MRPS6: variants seen among roughly 807,000 people sequenced by gnomAD.
MRPS6 encodes the protein mitochondrial ribosomal protein S6.
In MRPS6, 6 loss-of-function variants were observed where a neutral mutation model predicts 13.1. The ratio of observed to expected loss-of-function variants is 0.46; its 90% CI spans 0.25 to 0.91. MRPS6 has a LOEUF of 0.91. MRPS6 is among the 40% of genes least tolerant of loss of function. The pLI is 0.18. For missense variants in MRPS6, 164 were observed against 155.6 expected, an observed-to-expected ratio of 1.05 and a Z score of -0.29; for synonymous variants, 61 against 56.5, an observed-to-expected ratio of 1.08 and a Z score of -0.36.
At chr21:34,098,533 A>G in intron 1 of MRPS6, 4 of 1,000,216 alleles carry the variant, frequency 4.0e-6, no homozygotes, top group Non-Finnish European at 4.8e-6. Context: ...GACTTAGAGC[A>G]TAAGGATGTT....
At chr21:34,134,352 G>C (rs548134422) in intron 2 of MRPS6, among the ~76,000 whole-genome samples, 10 of 152,156 alleles carry the variant, frequency 6.6e-5, no homozygotes, top group Non-Finnish European at 1.5e-4. Flanking sequence ...TAGTGGATTC[G>C]TTTGTACCGT....
At chr21:34,130,163 T>G (rs1980453305) in intron 2 of MRPS6, among the ~76,000 whole-genome samples, 1 of 152,050 alleles carries the variant, frequency 6.6e-6, no homozygotes, top group Admixed American at 6.5e-5. Flanking sequence ...CAGTGGAAAT[T>G]TCCACTTGTC....
intron 2 of MRPS6, among the ~76,000 whole-genome samples, chr21:34,125,747 T>C (rs1168578753): frequency 6.6e-6 from 1 of 152,212 alleles, no homozygotes; most frequent in African/African-American, 2.4e-5. Flanking sequence ...CCTGTCAACC[T>C]TAGCACTGTT....
chr21:34,142,261 T>A (rs1980931749), intron 2 of MRPS6, 147 bp from the exon 3 acceptor site: 1 of 779,116 alleles, frequency 1.3e-6, no homozygotes, highest in Non-Finnish European at 1.8e-6. Context: ...GCTGGTAGTT[T>A]CTATTTTGAC....
At chr21:34,119,499 G>A (rs909493758) in intron 1 of MRPS6, among the ~76,000 whole-genome samples, 3 of 152,200 alleles carry the variant, frequency 2.0e-5, no homozygotes, top group Non-Finnish European at 4.4e-5. Flanking sequence ...CATTTTCACA[G>A]GTTTTGACAG....
chr21:34,110,233 G>A (rs1979641993), intron 1 of MRPS6, among the ~76,000 whole-genome samples: 1 of 152,146 alleles, frequency 6.6e-6, no homozygotes, highest in Non-Finnish European at 1.5e-5. Context: ...GGAGGCTGAG[G>A]CTGGTGGATC....
chr21:34,135,448 G>T, intron 2 of MRPS6: 1 of 479,336 alleles, frequency 2.1e-6, no homozygotes, highest in Non-Finnish European at 4.3e-6. Flanking sequence ...GTTGGACTTG[G>T]CCACACATGC....
At chr21:34,098,723 A>T (rs1979088667) in intron 1 of MRPS6, 1 of 1,000,144 alleles carries the variant, frequency 1.0e-6, no homozygotes, top group Non-Finnish European at 1.2e-6. Context: ...TAGGACTCTA[A>T]CTTGACATGG....
chr21:34,103,537 A>T (rs1209047250), intron 1 of MRPS6: 1 of 1,000,018 alleles, frequency 1.0e-6, no homozygotes, highest in East Asian at 1.1e-4. Context: ...ACAACAGTTT[A>T]TATTCCATGA....
rs778217292 is a variant in MRPS6 at position 34,096,798 on chromosome 21, C to G, written c.45+23053C>G. On this transcript the variant is annotated intron_variant, in intron 1 of 2. Transcript: ENST00000399312. This position sits in a 1 kb window ranked among gnomAD's most constrained non-coding sequence, Gnocchi z 5.9. ...TACTGTAATTGTGAGCCTTCTCACACCACCTCCCACAAAGGAACAGATTCG... is the reference window on the plus strand; with the variant it reads ...TACTGTAATTGTGAGCCTTCTCACAGCACCTCCCACAAAGGAACAGATTCG... The G allele has an allele frequency of 1.9e-6, 3 of 1,614,012 alleles. No individual in the cohort carries two copies. The South Asian group carries it at 3.3e-5, about 18-fold the overall frequency.
At chr21:34,088,577 T>TA (rs1978516711) in intron 1 of MRPS6, among the ~76,000 whole-genome samples, 1 of 152,270 alleles carries the variant, frequency 6.6e-6, no homozygotes, top group Non-Finnish European at 1.5e-5. Context: ...CATGATCTTT[T>TA]ATCAATATCG....
chr21:34,134,355 T>G (rs1002472760), intron 2 of MRPS6, among the ~76,000 whole-genome samples: 1 of 152,204 alleles, frequency 6.6e-6, no homozygotes. Flanking sequence ...TGGATTCGTT[T>G]GTACCGTTTT....
chr21:34,101,745 AATT>A, intron 1 of MRPS6: 1 of 992,792 alleles, frequency 1.0e-6, no homozygotes, highest in African/African-American at 1.7e-5. Context: ...CATTAAATAT[AATT>A]ATGTTTTAAG....
At position 34,136,054 on chromosome 21, in the gene MRPS6, TG is replaced by T. The variant is rs1980687730; in HGVS notation, c.186-6353del. Reference sequence around the variant, plus strand: ...CAGGGGTCTCTACCACTGCTGGTGCTGTCTCCCACTCGGTCATCCAGAGGGC... The same window carrying T: ...CAGGGGTCTCTACCACTGCTGGTGCTTCTCCCACTCGGTCATCCAGAGGGC... On this transcript the variant is annotated intron_variant, in intron 2 of 2. Transcript: ENST00000399312. 2.0e-5 allele frequency: 5 copies of T among 251,014 alleles called. No homozygotes were observed. In the South Asian group the frequency reaches 3.1e-4, roughly 15 times the overall value. The allele number at this position is 251,014 out of a possible 1,614,324, so 15.5% of individuals were successfully genotyped here.
intron 1 of MRPS6, among the ~76,000 whole-genome samples, chr21:34,110,591 G>T (rs2148664552): frequency 6.6e-6 from 1 of 152,274 alleles, no homozygotes; most frequent in African/African-American, 2.4e-5. Context: ...TCCATAAAAT[G>T]ACACATGTAT....
At chr21:34,075,577 A>G (rs1989309361) in intron 1 of MRPS6, among the ~76,000 whole-genome samples, 1 of 152,226 alleles carries the variant, frequency 6.6e-6, no homozygotes, top group Admixed American at 6.5e-5. Context: ...GAAAGTAGAT[A>G]ATAAAGGTGA....
Position 34,099,613 on chromosome 21 carries a change from T to C in MRPS6, c.46-25728T>C, listed in dbSNP as rs1979140149. 4.0e-6 allele frequency: 4 copies of C among 999,362 alleles called. No homozygotes were observed. The South Asian group carries it at 1.9e-4, about 47-fold the overall frequency. The allele number at this position is 999,362 out of a possible 1,614,324, so 61.9% of individuals were successfully genotyped here. A position where few individuals can be genotyped will look rare whatever the true frequency, so the allele number is the denominator to read the frequency against. On this transcript the variant is annotated intron_variant, in intron 1 of 2. Coordinates refer to ENST00000399312, the MANE Select transcript of MRPS6 (RefSeq NM_032476.4). Reference sequence around the variant, plus strand: ...TAGGAGGTGTTTGTGATTTTTTTTTTCTCCCTTTATTTAACATTGAGTCCT... The same window carrying C: ...TAGGAGGTGTTTGTGATTTTTTTTTCCTCCCTTTATTTAACATTGAGTCCT...
intron 1 of MRPS6, among the ~76,000 whole-genome samples, chr21:34,121,436 G>A (rs1980117486): frequency 6.6e-6 from 1 of 152,050 alleles, no homozygotes; most frequent in Non-Finnish European, 1.5e-5. Flanking sequence ...GAATGAGCTA[G>A]GACTAGAATC....
chr21:34,108,567 G>A (rs1018766084), intron 1 of MRPS6, among the ~76,000 whole-genome samples: 3 of 152,126 alleles, frequency 2.0e-5, no homozygotes, highest in African/African-American at 2.4e-5. Context: ...CAACACCAGT[G>A]GTTTCTTTTT....
Sources: allele counts gnomAD v4.1 joint callset (sites outside exome capture counted in the v4.1 genomes callset), GRCh38; gene constraint gnomAD v4.1.1; non-coding constraint Gnocchi (gnomAD v3.1); transcripts MANE v1.5; gene names NCBI Gene and HGNC (gene_info 2026-07-23, HGNC 2026-07-21).